The following ZNF827 variants were observed in gnomAD, a reference collection of about 807,000 sequenced individuals.
ZNF827 encodes the protein zinc finger protein 827.
In ZNF827, 13 loss-of-function variants were observed where a neutral mutation model predicts 102.4. The ratio of observed to expected loss-of-function variants is 0.13; its 90% CI spans 0.08 to 0.20. The LOEUF (loss-of-function observed/expected upper bound fraction) is 0.20, where lower values mean the gene tolerates loss of function less well. ZNF827 is among the 10% of genes least tolerant of loss of function. The probability of loss-of-function intolerance (pLI) is 1.00; values close to 1 mark genes in which losing one functional copy is unlikely to be tolerated. For missense variants in ZNF827, 1,103 were observed against 1,344.4 expected, an observed-to-expected ratio of 0.82 and a Z score of 2.81; for synonymous variants, 523 against 536.2, an observed-to-expected ratio of 0.98 and a Z score of 0.34.
chr4:145,919,644 AATGCTCTGT>A, intron 1 of ZNF827, among the ~76,000 whole-genome samples: 1 of 152,220 alleles, frequency 6.6e-6, no homozygotes, highest in Non-Finnish European at 1.5e-5. Flanking sequence ...AAATATGAAG[AATGCTCTGT>A]CCCCCACTAC....
In ZNF827 at chr4:145,765,102, T is replaced by C; in HGVS notation, c.3116A>G (p.Gln1039Arg). 1.2e-6 allele frequency: 2 copies of C among 1,614,184 alleles called. No homozygotes were observed. The highest frequency in any genetic ancestry group is 1.7e-6 in the Non-Finnish European group (2 of 1,180,036). The change falls in exon 13 of 15, where the codon CAG (glutamine) becomes CGG (arginine). Residue 1039 changes from glutamine (Q) to arginine (R), a missense_variant. Coordinates refer to ENST00000508784, the MANE Select transcript of ZNF827 (RefSeq NM_001306215.2). This position sits in a 1 kb window ranked among gnomAD's most constrained non-coding sequence, Gnocchi z 4.7. ...KTKNMFERHL[Q>R]IHLITRMFEC... Reference sequence around the variant, plus strand: ...AAACATCCGGGTGATGAGGTGTATCTGCAGATGACGCTCAAACATGTTCTT... The same window carrying C: ...AAACATCCGGGTGATGAGGTGTATCCGCAGATGACGCTCAAACATGTTCTT...
chr4:145,914,109 G>A (rs561152735), intron 1 of ZNF827, among the ~76,000 whole-genome samples: 2 of 150,952 alleles, frequency 1.3e-5, no homozygotes, highest in South Asian at 2.1e-4. Flanking sequence ...TTGGCATGAT[G>A]TACCTTGTAA....
chr4:145,894,161 A>G (rs911520153), intron 2 of ZNF827, among the ~76,000 whole-genome samples: 9 of 152,232 alleles, frequency 5.9e-5, no homozygotes, highest in Admixed American at 2.6e-4. Flanking sequence ...ATTTACAAAC[A>G]AGCGGATATG....
chr4:145,844,280 T>C (rs1745696414), intron 7 of ZNF827, among the ~76,000 whole-genome samples: 1 of 151,962 alleles, frequency 6.6e-6, no homozygotes, highest in African/African-American at 2.4e-5. Context: ...CTGCAGTCCA[T>C]CTTCCTACTC....
intron 4 of ZNF827, among the ~76,000 whole-genome samples, chr4:145,884,935 G>A (rs1749982573): frequency 6.6e-6 from 1 of 151,956 alleles, no homozygotes; most frequent in African/African-American, 2.4e-5. Flanking sequence ...TAAAGTAGTG[G>A]CCTCCAGGGC....
intron 1 of ZNF827, among the ~76,000 whole-genome samples, chr4:145,926,154 C>T (rs1048519571): frequency 3.9e-5 from 6 of 152,178 alleles, no homozygotes; most frequent in Non-Finnish European, 1.5e-5. Context: ...ACACACTTTG[C>T]TCAATTAGTG....
In ZNF827 at chr4:145,774,568, G is replaced by A. The variant is rs747970934; in HGVS notation, c.2798C>T (p.Ala933Val). The stretch of plus-strand genomic sequence containing the variant: ...TTCCTCCATGGTGACGAAGTCGCAG[G>A]CAGTGCAGCAGATCGAAAACATCCA... ...EQWMFSICCT[A>V]CDFVTMEEAE... is the part of the protein sequence containing the mutation. Residue 933 changes from alanine (A) to valine (V), a missense_variant, in exon 11 of 15, where the codon GCC becomes GTC. Physicochemically the swap from Ala to Val is moderately conservative, Grantham distance 64 (BLOSUM62 0). Transcript: ENST00000508784. 5.0e-6 allele frequency: 8 copies of A among 1,613,138 alleles called. No homozygotes were observed. In the South Asian group the frequency reaches 8.8e-5, roughly 18 times the overall value.
chr4:145,870,621 C>T, intron 4 of ZNF827, 143 bp from the exon 5 acceptor site: 1 of 698,362 alleles, frequency 1.4e-6, no homozygotes, highest in Non-Finnish European at 2.4e-6. Flanking sequence ...ACAGGCTGGG[C>T]CCTGGGCAAA....
At chr4:145,792,868 C>A (rs1739905319) in intron 8 of ZNF827, among the ~76,000 whole-genome samples, 1 of 152,024 alleles carries the variant, frequency 6.6e-6, no homozygotes, top group Non-Finnish European at 1.5e-5. Flanking sequence ...ACAAATAAAA[C>A]TAGAGAAAGA....
At chr4:145,848,761 C>T (rs72954660) in intron 6 of ZNF827, among the ~76,000 whole-genome samples, 2,489 of 152,146 alleles carry the variant, frequency 0.016, 65 homozygotes, top group African/African-American at 0.057. Context: ...AATTACTGCA[C>T]TTTTCAATTG....
chr4:145,909,761 T>G (rs1479780953), intron 1 of ZNF827, among the ~76,000 whole-genome samples: 1 of 152,238 alleles, frequency 6.6e-6, no homozygotes, highest in East Asian at 1.9e-4. Context: ...CATCCGCATT[T>G]AGGCCGGTTT....
At chr4:145,882,573 A>G (rs1232530234) in intron 4 of ZNF827, among the ~76,000 whole-genome samples, 3 of 152,168 alleles carry the variant, frequency 2.0e-5, no homozygotes, top group Non-Finnish European at 1.5e-5. Context: ...CTGACTTTTA[A>G]TCCCACTCGG....
At chr4:145,865,726 C>A (rs1279320616) in intron 5 of ZNF827, among the ~76,000 whole-genome samples, 1 of 152,204 alleles carries the variant, frequency 6.6e-6, no homozygotes, top group African/African-American at 2.4e-5. Flanking sequence ...CATAATTATT[C>A]CTGGACCTTT....
At chr4:145,868,757 C>T (rs1294333219) in intron 5 of ZNF827, among the ~76,000 whole-genome samples, 3 of 152,170 alleles carry the variant, frequency 2.0e-5, no homozygotes, top group Non-Finnish European at 4.4e-5. Flanking sequence ...ACCTGCTGCA[C>T]AGCAAACTCT....
chr4:145,850,273 G>A (rs888516348), intron 5 of ZNF827, among the ~76,000 whole-genome samples: 4 of 152,172 alleles, frequency 2.6e-5, no homozygotes, highest in African/African-American at 9.7e-5. Context: ...GCCTCCAAAA[G>A]TGCTGGGATT....
At chr4:145,809,625 T>C (rs551337244) in intron 8 of ZNF827, among the ~76,000 whole-genome samples, 9 of 152,330 alleles carry the variant, frequency 5.9e-5, no homozygotes, top group African/African-American at 2.2e-4. Context: ...GTTGCTTCTA[T>C]AGATAACATC....
At chr4:145,852,716 C>T (rs1442387723) in intron 5 of ZNF827, among the ~76,000 whole-genome samples, 2 of 152,140 alleles carry the variant, frequency 1.3e-5, no homozygotes, top group Non-Finnish European at 2.9e-5. Flanking sequence ...CTTGGTCTCT[C>T]TACCCACTAG....
Position 145,902,078 on chromosome 4 carries a change from G to T in ZNF827, c.1093+88C>A. 1 of 1,482,294 alleles carries T rather than the reference G, an allele frequency of 6.7e-7. No individual in the cohort carries two copies. The allele number at this position is 1,482,294 out of a possible 1,614,324, so 91.8% of individuals were successfully genotyped here. On this transcript the variant is annotated intron_variant, in intron 2 of 14. Coordinates refer to ENST00000508784, the MANE Select transcript of ZNF827 (RefSeq NM_001306215.2). The surrounding 1 kb of genome is among the most constrained non-coding windows in gnomAD (Gnocchi z 4.3). ...TTTATTCCTGCCTCAGATCAGATGG[G>T]GAACCCAACTGAAAAAAGCAATGAA...
chr4:145,872,895 A>C (rs1445430018), intron 4 of ZNF827, among the ~76,000 whole-genome samples: 1 of 151,540 alleles, frequency 6.6e-6, no homozygotes, highest in Non-Finnish European at 1.5e-5. Context: ...AAACAAAAAC[A>C]AAAACAAAAC....
Sources: allele counts gnomAD v4.1 joint callset (sites outside exome capture counted in the v4.1 genomes callset), GRCh38; gene constraint gnomAD v4.1.1; non-coding constraint Gnocchi (gnomAD v3.1); transcripts MANE v1.5; gene names NCBI Gene and HGNC (gene_info 2026-07-23, HGNC 2026-07-21).